The following ENPP1 variants were observed in gnomAD, a reference collection of about 807,000 sequenced individuals.
ENPP1 encodes the protein ectonucleotide pyrophosphatase/phosphodiesterase family member 1.
In ENPP1, 73 loss-of-function variants were observed where a neutral mutation model predicts 122.8. The ratio of observed to expected loss-of-function variants is 0.59; its 90% confidence interval spans 0.49 to 0.72. ENPP1 has a LOEUF of 0.72. Among genes scored for constraint, ENPP1 ranks in the 30% least tolerant of loss-of-function variants. ENPP1 has a pLI of 0.00. For synonymous variants in ENPP1, 367 were observed against 391.6 expected (o/e 0.94, Z 0.74); for missense variants, 978 against 1,128.1 (o/e 0.87, Z 1.91).
At chr6:131,882,672 T>C (rs1562185204) in intron 21 of ENPP1, among the ~76,000 whole-genome samples, 198 bp downstream of exon 21, 1 of 147,740 alleles carries the variant, frequency 6.8e-6, no homozygotes, top group Non-Finnish European at 1.5e-5. Flanking sequence ...TAGCTATATA[T>C]ATATAGCTTT....
chr6:131,893,385 A>G lies in ENPP1; in HGVS notation c.*2874A>G, dbSNP rs1281058689. The G allele has an allele frequency of 6.6e-6, 1 of 152,276 alleles. No homozygotes were observed. The highest frequency in any genetic ancestry group is 1.5e-5 in the Non-Finnish European group (1 of 68,078). The allele number at this position is 152,276 out of a possible 1,614,324, so 9.4% of individuals were successfully genotyped here. ...AGGGGTGCCAGGCTGCACAAAAGAGACACTGGATGCTTCTTGGTAGTAGAG... is the reference window on the plus strand; with the variant it reads ...AGGGGTGCCAGGCTGCACAAAAGAGGCACTGGATGCTTCTTGGTAGTAGAG... On this transcript the variant is annotated 3_prime_UTR_variant, in exon 25 of 25. Coordinates refer to ENST00000647893, the MANE Select transcript of ENPP1 (RefSeq NM_006208.3).
intron 12 of ENPP1, 146 bp from the exon 13 acceptor site, chr6:131,869,212 C>G (rs1782126989): frequency 3.9e-6 from 3 of 760,874 alleles, no homozygotes; most frequent in Admixed American, 4.8e-5. Flanking sequence ...AGCTGAAATT[C>G]TGTCTTACCT....
At chr6:131,862,574 T>C (rs577040450) in intron 9 of ENPP1, among the ~76,000 whole-genome samples, 2 of 152,298 alleles carry the variant, frequency 1.3e-5, no homozygotes, top group Admixed American at 1.3e-4. Context: ...TGGGGAATGC[T>C]GATGCGTTGG....
chr6:131,818,105 G>C (rs1185110551), intron 1 of ENPP1, among the ~76,000 whole-genome samples: 1 of 152,064 alleles, frequency 6.6e-6, no homozygotes. Context: ...GCAAGCATCT[G>C]GGGGATCTTG....
chr6:131,889,262 G>C (rs1782430197), intron 24 of ENPP1, among the ~76,000 whole-genome samples: 1 of 152,152 alleles, frequency 6.6e-6, no homozygotes, highest in African/African-American at 2.4e-5. Context: ...ACATGTGCAG[G>C]ATGTGCAGGT....
At chr6:131,868,868 C>T (rs952498321) in intron 12 of ENPP1, among the ~76,000 whole-genome samples, 1 of 152,200 alleles carries the variant, frequency 6.6e-6, no homozygotes, top group South Asian at 2.1e-4. Flanking sequence ...ATAGGAGCAG[C>T]GTGCCTATGG....
Position 131,886,653 on chromosome 6 carries a change from T to C in ENPP1, c.2536T>C (p.Leu846=), listed in dbSNP as rs749740865. 3.1e-6 allele frequency: 5 copies of C among 1,613,926 alleles called. No individual in the cohort carries two copies. In the East Asian group the frequency reaches 8.9e-5, roughly 29 times the overall value. ...CTGTAAAGATACATCTCAGACGCCT[T>C]TGCACTGTGAAAACCTAGACACCTT... ...TSCKDTSQTP[L]HCENLDTLAF... is the part of the protein sequence containing the mutation. Residue 846 remains leucine, a synonymous_variant, in exon 24 of 25, where the codon TTG becomes CTG. Transcript: ENST00000647893.
Position 131,878,571 on chromosome 6 carries a change from G to T in ENPP1, c.1923G>T (p.Gln641His). The change falls in exon 19 of 25, where the codon CAG becomes CAT. Residue 641 changes from glutamine (Q) to histidine (H), a missense_variant. Physicochemically the swap from Gln to His is conservative, Grantham distance 24. Transcript: ENST00000647893. ...SILPIEDFQT[Q>H]FNLTVAEEKI... The stretch of plus-strand genomic sequence containing the variant: ...TGCCGATTGAGGATTTTCAAACACA[G>T]TTCAATCTGACTGTGGCAGAAGGTA... The T allele has an allele frequency of 6.2e-7, 1 of 1,613,160 alleles. No homozygotes were observed. The highest frequency in any genetic ancestry group is 8.5e-7 in the Non-Finnish European group (1 of 1,179,288).
intron 1 of ENPP1, among the ~76,000 whole-genome samples, chr6:131,844,553 G>T (rs916793273): frequency 1.3e-5 from 2 of 152,036 alleles, no homozygotes; most frequent in African/African-American, 4.8e-5. Flanking sequence ...TCAAAAAGTG[G>T]ATAATTGAAA....
At chr6:131,856,271 G>C (rs1359930968) in intron 6 of ENPP1, among the ~76,000 whole-genome samples, 1 of 151,714 alleles carries the variant, frequency 6.6e-6, no homozygotes, top group Non-Finnish European at 1.5e-5. Context: ...GTGTTTTTTG[G>C]CTGCATAAAT....
chr6:131,884,977 A>G lies in ENPP1; in HGVS notation c.2358A>G (p.Glu786=), dbSNP rs199500788. The G allele has an allele frequency of 2.5e-6, 4 of 1,614,064 alleles. No individual in the cohort carries two copies. The African/African-American group carries it at 5.3e-5, about 22-fold the overall frequency. Residue 786 remains glutamate (E), a synonymous_variant, in exon 23 of 25, where the codon GAA becomes GAG. Transcript: ENST00000647893. The part of the protein sequence containing the change: ...FHDTLLRKYA[E]ERNGVNVVSG... ...ACACCCTACTGCGAAAGTATGCTGA[A>G]GAAAGAAATGGTGTCAATGTCGTCA...
chr6:131,873,567 C>T (rs756531585), intron 15 of ENPP1, among the ~76,000 whole-genome samples: 18 of 151,948 alleles, frequency 1.2e-4, no homozygotes, highest in Non-Finnish European at 2.2e-4. Context: ...TCATTATACA[C>T]GTTGTTTTTT....
In ENPP1 at chr6:131,808,226, C is replaced by T. The variant is rs1215237317; in HGVS notation, c.191C>T (p.Ala64Val). 3.3e-6 allele frequency: 5 copies of T among 1,514,808 alleles called. No individual in the cohort carries two copies. Among genetic ancestry groups the T allele is most frequent in the African/African-American group, 1.4e-5 (1 of 69,798 alleles). The allele number at this position is 1,514,808 out of a possible 1,614,324, so 93.8% of individuals were successfully genotyped here. ...DVGEEPLEKA[A>V]RARTAKDPNT... ...GGGGAGGAGCCGCTGGAGAAGGCGG[C>T]GCGCGCCCGCACTGCCAAGGACCCC... Residue 64 changes from alanine (A) to valine (V), a missense_variant, in exon 1 of 25, where the codon GCG (alanine) becomes GTG (valine). Around this residue, in one of 3 missense-constraint regions of ENPP1, gnomAD observed 330 missense variants for 328.5 expected, o/e 1.00. Transcript: ENST00000647893.
Position 131,872,022 on chromosome 6 carries a change from A to T in ENPP1, c.1406-48A>T. 2 of 1,319,348 alleles carry T rather than the reference A, an allele frequency of 1.5e-6. No homozygotes were observed. Among genetic ancestry groups the T allele is most frequent in the South Asian group, 2.4e-5 (2 of 83,614 alleles). The allele number at this position is 1,319,348 out of a possible 1,614,324, so 81.7% of individuals were successfully genotyped here. A position where few individuals can be genotyped will look rare whatever the true frequency, so the allele number is the denominator to read the frequency against. Reference sequence around the variant, plus strand: ...TTCTATATTTTTGTATTATGTTTTAATTATAGTATACAATCAACTATTAAT... The same window carrying T: ...TTCTATATTTTTGTATTATGTTTTATTTATAGTATACAATCAACTATTAAT... On this transcript the variant is annotated intron_variant, in intron 13 of 24. Transcript: ENST00000647893.
At chr6:131,829,956 G>GTCTGGGAC (rs1781589945) in intron 1 of ENPP1, among the ~76,000 whole-genome samples, 1 of 152,160 alleles carries the variant, frequency 6.6e-6, no homozygotes, top group African/African-American at 2.4e-5. Context: ...GAGTCTGGGA[G>GTCTGGGAC]TCTGGGAAGT....
chr6:131,874,529 G>A (rs1403369161), intron 16 of ENPP1, among the ~76,000 whole-genome samples, 192 bp downstream of exon 16: 1 of 150,426 alleles, frequency 6.6e-6, no homozygotes, highest in African/African-American at 2.5e-5. Flanking sequence ...TTACTAAAAA[G>A]TCAAAAAACA....
intron 20 of ENPP1, 119 bp from the exon 21 acceptor site, chr6:131,882,226 A>G (rs963928220): frequency 1.3e-6 from 1 of 780,244 alleles, no homozygotes; most frequent in Non-Finnish European, 2.2e-6. Context: ...ATAGGGAAGG[A>G]CATGAGCTGA....
intron 18 of ENPP1, 59 bp from the exon 19 acceptor site, chr6:131,878,483 G>A (rs556769240): frequency 4.1e-5 from 43 of 1,041,584 alleles, no homozygotes; most frequent in Admixed American, 7.1e-5. Flanking sequence ...GCGGTTCTAT[G>A]TTACAAAATT....
chr6:131,850,815 C>T (rs1781871096), intron 3 of ENPP1, among the ~76,000 whole-genome samples: 3 of 152,210 alleles, frequency 2.0e-5, no homozygotes, highest in African/African-American at 7.2e-5. Flanking sequence ...GCAATCCTCT[C>T]ACCTTGACCT....
Sources: allele counts gnomAD v4.1 joint callset (sites outside exome capture counted in the v4.1 genomes callset), GRCh38; gene constraint gnomAD v4.1.1; regional missense constraint gnomAD v4.1.1; transcripts MANE v1.5; gene names NCBI Gene and HGNC (gene_info 2026-07-23, HGNC 2026-07-21).